PCDHGA3: variants seen among roughly 807,000 people sequenced by gnomAD.
PCDHGA3 encodes protocadherin gamma-A3.
In PCDHGA3, 40 loss-of-function variants were observed where a neutral mutation model predicts 58.5. That is an observed-to-expected ratio of 0.68 (90% CI 0.53 to 0.89). The LOEUF is 0.89. Among genes scored for constraint, PCDHGA3 ranks in the 40% least tolerant of loss-of-function variants. The pLI is 0.00. For synonymous variants in PCDHGA3, 530 were observed against 525.7 expected (o/e 1.01, Z -0.11); for missense variants, 1,223 against 1,195.9 (o/e 1.02, Z -0.33).
intron 1 of PCDHGA3, chr5:141,385,154 C>G (rs761681846): frequency 6.2e-7 from 1 of 1,614,208 alleles, no homozygotes; most frequent in Non-Finnish European, 8.5e-7. Flanking sequence ...TTCCTGCAGA[C>G]CTATTCCCAT....
Position 141,489,172 on chromosome 5 carries a change from T to G in PCDHGA3, c.2425-5635T>G. 1 of 1,199,026 alleles carries G rather than the reference T, an allele frequency of 8.3e-7. No individual in the cohort carries two copies. Among genetic ancestry groups the G allele is most frequent in the East Asian group, 2.4e-5 (1 of 42,106 alleles). The allele number at this position is 1,199,026 out of a possible 1,614,324, so 74.3% of individuals were successfully genotyped here. ...ACATAAGAGACTTCAGCTGCTGCATTCCAAGCCCTGGGTCTACCTTGGAGA... is the reference window on the plus strand; with the variant it reads ...ACATAAGAGACTTCAGCTGCTGCATGCCAAGCCCTGGGTCTACCTTGGAGA... On this transcript the variant is annotated intron_variant, in intron 1 of 3. Coordinates refer to ENST00000253812, the MANE Select transcript of PCDHGA3 (RefSeq NM_018916.4). This position sits in a 1 kb window ranked among gnomAD's most constrained non-coding sequence, Gnocchi z 4.5.
chr5:141,403,863 C>CA (rs1449407003), intron 1 of PCDHGA3: 1 of 1,613,374 alleles, frequency 6.2e-7, no homozygotes, highest in Non-Finnish European at 8.5e-7. Flanking sequence ...ATATCAACAG[C>CA]AAAAAGTCTA....
chr5:141,367,008 A>G (rs1359337348), intron 1 of PCDHGA3: 3 of 436,014 alleles, frequency 6.9e-6, no homozygotes, highest in Admixed American at 4.1e-5. Flanking sequence ...CATTTTACCC[A>G]AATATTTTGT....
intron 1 of PCDHGA3, chr5:141,413,287 T>C (rs937508313): frequency 6.2e-7 from 1 of 1,613,950 alleles, no homozygotes. Flanking sequence ...GATCTCCTAC[T>C]CAATTCCTGA....
rs1215626157 is a variant in PCDHGA3, at chr5:141,487,804, GT to G, written c.2425-7000del. ...TCGTGAATTAACCAGAGTTGTCACAGTTTAGCATTGGGGGCGGGTCATGCCT... is the reference window on the plus strand; with the variant it reads ...TCGTGAATTAACCAGAGTTGTCACAGTTAGCATTGGGGGCGGGTCATGCCT... On this transcript the variant is annotated intron_variant, in intron 1 of 3. Transcript: ENST00000253812. The surrounding 1 kb of genome is among the most constrained non-coding windows in gnomAD (Gnocchi z 5.0). 15 of 1,451,846 alleles carry G rather than the reference GT, an allele frequency of 1.0e-5. No homozygotes were observed. The highest frequency in any genetic ancestry group is 1.3e-5 in the Non-Finnish European group (14 of 1,072,382). 89.9% of individuals were successfully genotyped at this position (1,451,846 alleles called of 1,614,324 possible).
intron 1 of PCDHGA3, among the ~76,000 whole-genome samples, chr5:141,483,709 G>A (rs1486825412): frequency 1.3e-5 from 2 of 152,036 alleles, no homozygotes; most frequent in Non-Finnish European, 2.9e-5. Flanking sequence ...TTTGACACCA[G>A]AATATTGGTT....
chr5:141,494,431 T>C (rs1403792155), intron 1 of PCDHGA3, among the ~76,000 whole-genome samples: 1 of 152,158 alleles, frequency 6.6e-6, no homozygotes, highest in Non-Finnish European at 1.5e-5. Context: ...TTGAAAAGCC[T>C]CCTTTGCCAC....
At chr5:141,499,689 CT>C (rs545067566) in intron 2 of PCDHGA3, among the ~76,000 whole-genome samples, 4,434 of 119,828 alleles carry the variant, frequency 0.037, 46 homozygotes, top group African/African-American at 0.083. Context: ...TAACAGATGA[CT>C]TTTTTTTTTT....
Position 141,489,493 on chromosome 5 carries a change from G to A in PCDHGA3, c.2425-5314G>A, listed in dbSNP as rs1485293604. ...CCTGAGCTTGATGAGTGGTGCCCTG[G>A]CAGTGAATCAAAAGATTGACCGAGA... On this transcript the variant is annotated intron_variant, in intron 1 of 3. Coordinates refer to ENST00000253812, the MANE Select transcript of PCDHGA3 (RefSeq NM_018916.4). The surrounding 1 kb of genome is among the most constrained non-coding windows in gnomAD (Gnocchi z 4.5). The A allele has an allele frequency of 1.2e-6, 2 of 1,613,960 alleles. No homozygotes were observed. Among genetic ancestry groups the A allele is most frequent in the Non-Finnish European group, 1.7e-6 (2 of 1,180,038 alleles).
At position 141,505,514 on chromosome 5, in the gene PCDHGA3, G is replaced by A. The variant is rs758026551; in HGVS notation, c.2572+33G>A. The A allele has an allele frequency of 1.2e-5, 20 of 1,613,682 alleles. No homozygotes were observed. The South Asian group carries it at 1.8e-4, about 14-fold the overall frequency. ...GTGTCAGTGTGTGTATGGAAGAGTGGGAGACCTGGGGTTCTGGGGTGCATC... is the reference window on the plus strand; with the variant it reads ...GTGTCAGTGTGTGTATGGAAGAGTGAGAGACCTGGGGTTCTGGGGTGCATC... On this transcript the variant is annotated intron_variant, in intron 3 of 3. Transcript: ENST00000253812.
intron 1 of PCDHGA3, chr5:141,393,496 T>C (rs960048710): frequency 1.9e-6 from 3 of 1,613,940 alleles, no homozygotes; most frequent in Non-Finnish European, 8.5e-7. Flanking sequence ...ACAGTGCGCA[T>C]CCACGTGACA....
At chr5:141,415,650 A>G in intron 1 of PCDHGA3, 1 of 1,597,054 alleles carries the variant, frequency 6.3e-7, no homozygotes, top group Non-Finnish European at 8.5e-7. Context: ...TTAAAAAAAA[A>G]AAGATTGGTT....
chr5:141,395,341 G>C, intron 1 of PCDHGA3: 1 of 1,409,696 alleles, frequency 7.1e-7, no homozygotes. Context: ...AATTTTTAAG[G>C]TGTATCACAG....
In PCDHGA3 at chr5:141,344,080, T is replaced by A; in HGVS notation, c.47T>A (p.Leu16Gln). ...CGAAATGGCAGAGGACTGGCCCTGCTGTGCGCGCTCCTGGGGACGCTGTGC... is the reference window on the plus strand; with the variant it reads ...CGAAATGGCAGAGGACTGGCCCTGCAGTGCGCGCTCCTGGGGACGCTGTGC... Reference protein sequence around the residue: ...SFRNGRGLALLCALLGTLCET... With the variant: ...SFRNGRGLALQCALLGTLCET... Residue 16 changes from leucine to glutamine, a missense_variant, in exon 1 of 4, where the codon CTG becomes CAG. By Grantham distance (113) the Leu-to-Gln change is moderately radical. This residue lies in a region of PCDHGA3 where 791 missense variants were observed against 708.5 expected (regional missense o/e 1.12). Transcript: ENST00000253812. The A allele has an allele frequency of 1.9e-6, 3 of 1,610,900 alleles. No individual in the cohort carries two copies. Among genetic ancestry groups the A allele is most frequent in the Non-Finnish European group, 1.7e-6 (2 of 1,177,926 alleles).
intron 1 of PCDHGA3, chr5:141,420,076 T>C (rs764381539): frequency 3.3e-5 from 53 of 1,613,956 alleles, no homozygotes; most frequent in Non-Finnish European, 4.5e-5. Context: ...GACCTGTGGG[T>C]CCCCCCAACT....
At chr5:141,418,646 A>C (rs986717136) in intron 1 of PCDHGA3, 2 of 1,614,010 alleles carry the variant, frequency 1.2e-6, no homozygotes, top group Admixed American at 3.3e-5. Context: ...CTCCATCCTG[A>C]GAGTGAAGGC....
At chr5:141,435,925 A>G (rs978837252) in intron 1 of PCDHGA3, among the ~76,000 whole-genome samples, 16 of 152,166 alleles carry the variant, frequency 1.1e-4, no homozygotes, top group Non-Finnish European at 1.5e-5. Context: ...AAAATGCGGC[A>G]GTTGCTGCTT....
intron 1 of PCDHGA3, chr5:141,388,795 C>G (rs1204065309): frequency 6.2e-7 from 1 of 1,613,716 alleles, no homozygotes; most frequent in Non-Finnish European, 8.5e-7. Flanking sequence ...GTTTTAAATA[C>G]ATTAGATTTT....
Position 141,410,050 on chromosome 5 carries a change from C to T in PCDHGA3, c.2424+63593C>T, listed in dbSNP as rs762077790. ...TGCTGCAGGCCAGTGAGCCCGGACT[C>T]TTCAGCCTGGGGCTGCGCACTGGGG... On this transcript the variant is annotated intron_variant, in intron 1 of 3. Coordinates refer to ENST00000253812, the MANE Select transcript of PCDHGA3 (RefSeq NM_018916.4). The T allele has an allele frequency of 6.2e-6, 10 of 1,613,180 alleles. No homozygotes were observed. In the East Asian group the frequency reaches 1.6e-4, roughly 25 times the overall value.
Sources: allele counts gnomAD v4.1 joint callset (sites outside exome capture counted in the v4.1 genomes callset), GRCh38; gene constraint gnomAD v4.1.1; regional missense constraint gnomAD v4.1.1; non-coding constraint Gnocchi (gnomAD v3.1); transcripts MANE v1.5; gene names NCBI Gene and HGNC (gene_info 2026-07-23, HGNC 2026-07-21).